The following NEK10 variants were observed in gnomAD, a reference collection of about 807,000 sequenced individuals.
The protein encoded by NEK10 is NIMA related kinase 10, also known as serine/threonine-protein kinase Nek10.
Under a neutral mutation model 159.8 loss-of-function variants are expected in NEK10, and 122 were observed. That is an observed-to-expected ratio of 0.76 (90% CI 0.66 to 0.89). The LOEUF (loss-of-function observed/expected upper bound fraction) is 0.89, where lower values mean the gene tolerates loss of function less well. Among genes scored for constraint, NEK10 ranks in the 40% least tolerant of loss-of-function variants. NEK10 has a pLI of 0.00. For synonymous variants in NEK10, 466 were observed against 457.1 expected, an observed-to-expected ratio of 1.02 and a Z score of -0.25; for missense variants, 1,342 against 1,323.1, an observed-to-expected ratio of 1.01 and a Z score of -0.22.
At chr3:27,217,831 C>T (rs777367428) in intron 23 of NEK10, among the ~76,000 whole-genome samples, 8 of 151,886 alleles carry the variant, frequency 5.3e-5, no homozygotes, top group African/African-American at 1.5e-4. Context: ...GTTCTAAGAC[C>T]CCCAGTGGAT....
intron 26 of NEK10, among the ~76,000 whole-genome samples, chr3:27,185,116 G>A (rs141213338): frequency 6.6e-6 from 1 of 152,234 alleles, no homozygotes; most frequent in African/African-American, 2.4e-5. Context: ...TTATAACAAA[G>A]AAGTGAAGTT....
chr3:27,278,620 G>T, intron 22 of NEK10: 1 of 788,702 alleles, frequency 1.3e-6, no homozygotes, highest in Non-Finnish European at 1.5e-6. Flanking sequence ...GTGACCTTCT[G>T]TGTCATGTAC....
intron 10 of NEK10, among the ~76,000 whole-genome samples, chr3:27,308,346 G>A (rs181562920): frequency 6.6e-6 from 1 of 152,244 alleles, no homozygotes; most frequent in Non-Finnish European, 1.5e-5. Context: ...TACAATTCAA[G>A]ATGAGATTTG....
Position 27,239,872 on chromosome 3 carries a change from T to C in NEK10, c.2090+16424A>G, listed in dbSNP as rs933132835. 1.1e-4 allele frequency among the ~76,000 whole-genome samples: 16 copies of C among 152,140 alleles called. No homozygotes were observed. The South Asian group carries it at 3.3e-3, about 32-fold the overall frequency. On this transcript the variant is annotated intron_variant, in intron 23 of 35. Transcript: ENST00000691995. ...TCAATTATATGTAGGAACACTAGAT[T>C]TTTTTTTATTTTCTGGCTATAGAAA...
intron 23 of NEK10, among the ~76,000 whole-genome samples, chr3:27,214,522 G>A (rs1228909229): frequency 6.6e-6 from 1 of 151,032 alleles, no homozygotes; most frequent in African/African-American, 2.4e-5. Flanking sequence ...TCACTCAAAT[G>A]CAATGCAGGC....
At chr3:27,135,373 C>T (rs1943086114) in intron 31 of NEK10, among the ~76,000 whole-genome samples, 1 of 152,212 alleles carries the variant, frequency 6.6e-6, no homozygotes, top group South Asian at 2.1e-4. Context: ...ATAATTACTT[C>T]CTCAAAGTCA....
chr3:27,235,185 C>T (rs1482677217), intron 23 of NEK10, among the ~76,000 whole-genome samples: 1 of 152,078 alleles, frequency 6.6e-6, no homozygotes, highest in Non-Finnish European at 1.5e-5. Context: ...TAGGCAATAC[C>T]ATTTAGGACA....
chr3:27,152,317 G>C (rs1944963520), intron 30 of NEK10, among the ~76,000 whole-genome samples: 1 of 152,162 alleles, frequency 6.6e-6, no homozygotes, highest in African/African-American at 2.4e-5. Flanking sequence ...CTACAAGCTA[G>C]AAGGGATTGG....
Position 27,106,833 on chromosome 3 carries a change from C to T in NEK10, c.*4439G>A, listed in dbSNP as rs1939027314. Among the ~76,000 whole-genome samples the T allele has an allele frequency of 6.6e-6, 1 of 152,146 alleles. No homozygotes were observed. Among genetic ancestry groups the T allele is most frequent in the South Asian group, 2.1e-4 (1 of 4,822 alleles). ...AAAATGACAGTCAGCCATAATCCTC[C>T]ATACATAAAGACAAAATTCTATCTT... On this transcript the variant is annotated 3_prime_UTR_variant, in exon 36 of 36. Transcript: ENST00000691995.
chr3:27,121,363 A>G (rs895913006), intron 32 of NEK10, among the ~76,000 whole-genome samples: 1 of 152,180 alleles, frequency 6.6e-6, no homozygotes, highest in African/African-American at 2.4e-5. Context: ...AATTTTCATC[A>G]TCGGTGATAT....
intron 23 of NEK10, among the ~76,000 whole-genome samples, chr3:27,226,348 G>GT (rs1952642865): frequency 6.6e-6 from 1 of 151,456 alleles, no homozygotes; most frequent in African/African-American, 2.4e-5. Flanking sequence ...CCTGGCCACA[G>GT]TTTTTAAAAA....
chr3:27,189,768 A>C (rs1948953997), intron 26 of NEK10, among the ~76,000 whole-genome samples: 1 of 152,048 alleles, frequency 6.6e-6, no homozygotes, highest in Non-Finnish European at 1.5e-5. Context: ...CATTTGGTTA[A>C]CCTTGAAATG....
At chr3:27,213,469 G>A (rs1302163174) in intron 23 of NEK10, among the ~76,000 whole-genome samples, 1 of 152,080 alleles carries the variant, frequency 6.6e-6, no homozygotes, top group Non-Finnish European at 1.5e-5. Flanking sequence ...CAAAAATTAA[G>A]GTTTGAAAAA....
At chr3:27,237,709 A>C (rs1344034560) in intron 23 of NEK10, among the ~76,000 whole-genome samples, 3 of 152,074 alleles carry the variant, frequency 2.0e-5, no homozygotes, top group African/African-American at 4.8e-5. Flanking sequence ...TATTGGATAG[A>C]GTGTACATTG....
chr3:27,246,084 G>T (rs1296371491), intron 23 of NEK10, among the ~76,000 whole-genome samples: 1 of 152,148 alleles, frequency 6.6e-6, no homozygotes, highest in Non-Finnish European at 1.5e-5. Context: ...ATTGATAAAA[G>T]AAGCAAGGAC....
At chr3:27,258,243 A>T (rs978316355) in intron 22 of NEK10, among the ~76,000 whole-genome samples, 534 of 152,238 alleles carry the variant, frequency 3.5e-3, no homozygotes, top group African/African-American at 0.012. Flanking sequence ...ATTATACTTT[A>T]AATTTTAGGG....
intron 5 of NEK10, among the ~76,000 whole-genome samples, chr3:27,332,452 C>T (rs2046486207): frequency 6.6e-6 from 1 of 152,178 alleles, no homozygotes; most frequent in Non-Finnish European, 1.5e-5. Flanking sequence ...AACATACCTT[C>T]ATCATTTTCC....
chr3:27,267,748 T>C lies in NEK10; in HGVS notation c.2015-11377A>G, dbSNP rs149770732. Among the ~76,000 whole-genome samples, 1,376 of 152,310 alleles carry C rather than the reference T, an allele frequency of 9.0e-3. 21 individuals carry two copies. Among genetic ancestry groups the C allele is most frequent in the African/African-American group, 0.031 (1,268 of 41,564 alleles). ...ACAATAATATTGAAATTAGGCCAGT[T>C]AATAACCATACATTGGCCTCCAATC... On this transcript the variant is annotated intron_variant, in intron 22 of 35. Coordinates refer to ENST00000691995, the MANE Select transcript of NEK10 (RefSeq NM_001394966.1).
intron 23 of NEK10, chr3:27,206,421 C>A (rs1406477922): frequency 6.1e-6 from 1 of 162,890 alleles, no homozygotes; most frequent in Non-Finnish European, 1.3e-5. Context: ...GGAAAATAAA[C>A]TCGACTAGAA....
Sources: gnomAD v4.1 joint callset for allele counts (sites outside exome capture counted in the v4.1 genomes callset) on GRCh38, gnomAD v4.1.1 for gene constraint, MANE v1.5 for transcripts, NCBI Gene and HGNC (gene_info 2026-07-23, HGNC 2026-07-21) for gene names.